Variants in CYFIP1 observed in about 807,000 individuals in gnomAD.
The protein encoded by CYFIP1 is cytoplasmic FMR1-interacting protein 1.
Under a neutral mutation model 163.5 loss-of-function variants are expected in CYFIP1, and 58 were observed. The ratio of observed to expected loss-of-function variants is 0.35; its 90% CI spans 0.29 to 0.44. The LOEUF (loss-of-function observed/expected upper bound fraction) is 0.44. Among genes scored for constraint, CYFIP1 ranks in the 20% least tolerant of loss-of-function variants. The pLI is 1.00. For synonymous variants in CYFIP1, 663 were observed against 660.7 expected, an observed-to-expected ratio of 1.00 and a Z score of -0.05; for missense variants, 1,338 against 1,653.8, an observed-to-expected ratio of 0.81 and a Z score of 3.31.
At chr15:22,915,838 G>C (rs1041821896) in intron 16 of CYFIP1, among the ~76,000 whole-genome samples, 1 of 152,158 alleles carries the variant, frequency 6.6e-6, no homozygotes, top group Non-Finnish European at 1.5e-5. Flanking sequence ...GGCACACTCA[G>C]GGAGGTCTGT....
At chr15:22,934,338 C>T (rs1309682560) in intron 9 of CYFIP1, among the ~76,000 whole-genome samples, 2 of 150,380 alleles carry the variant, frequency 1.3e-5, no homozygotes, top group African/African-American at 4.9e-5. Flanking sequence ...AGGCGCCCGC[C>T]ACCACACCCA....
At chr15:22,896,472 G>A (rs964981259) in intron 22 of CYFIP1, among the ~76,000 whole-genome samples, 2 of 151,766 alleles carry the variant, frequency 1.3e-5, no homozygotes, top group African/African-American at 4.8e-5. Flanking sequence ...TATTAGAATC[G>A]CTGATGTTTG....
upstream of CYFIP1, among the ~76,000 whole-genome samples, chr15:22,980,548 G>A (rs920809579): frequency 6.6e-6 from 1 of 151,906 alleles, no homozygotes; most frequent in African/African-American, 2.4e-5. Flanking sequence ...TGTCCTCCCA[G>A]GCAGAGAGCC....
rs760328099 is a variant in CYFIP1, at chr15:22,881,922, G to T, written c.2835C>A (p.Ile945=). Reference sequence around the variant, plus strand: ...CCATCAGCGTCTTCACGTACTGCAGGATTGTGCCTTGCAGCTGCCGGGGAG... The same window carrying T: ...CCATCAGCGTCTTCACGTACTGCAGTATTGTGCCTTGCAGCTGCCGGGGAG... ...KVVKSLLQGT[I]LQYVKTLMEV... Residue 945 remains isoleucine (I), a synonymous_variant, in exon 25 of 31, where the codon ATC becomes ATA. Coordinates refer to ENST00000617928, the MANE Select transcript of CYFIP1 (RefSeq NM_014608.6). The T allele has an allele frequency of 1.2e-5, 20 of 1,612,280 alleles. No homozygotes were observed. The Admixed American group carries it at 3.3e-4, about 27-fold the overall frequency.
At chr15:22,881,552 G>A (rs1383888218) in intron 25 of CYFIP1, among the ~76,000 whole-genome samples, 2 of 152,034 alleles carry the variant, frequency 1.3e-5, no homozygotes, top group South Asian at 2.1e-4. Flanking sequence ...AGGCCCAGCA[G>A]GGCAGCAGGA....
intron 1 of CYFIP1, among the ~76,000 whole-genome samples, chr15:22,957,561 A>C (rs7183148): frequency 9.2e-5 from 14 of 152,232 alleles, no homozygotes; most frequent in Non-Finnish European, 1.9e-4. Context: ...GCGTGAACCC[A>C]GGAGGCGGAG....
At chr15:22,893,453 G>A (rs548124278) in intron 22 of CYFIP1, among the ~76,000 whole-genome samples, 13 of 152,184 alleles carry the variant, frequency 8.5e-5, no homozygotes, top group Admixed American at 6.5e-5. Flanking sequence ...ACTTAAAATC[G>A]AATGTGTCCA....
In CYFIP1 at chr15:22,932,325, G is replaced by T. The variant is rs955033254; in HGVS notation, c.1008C>A (p.Ser336=). The change falls in exon 11 of 31, where the codon TCC becomes TCA. Residue 336 remains serine, a synonymous_variant. Transcript: ENST00000617928. ...EENKSRWTCT[S]SGSSPQYNIC... ...TGTTGTACTGAGGGCTGCTGCCGGA[G>T]GATGTGCACGTCCATCTGTGCAGAG... is the stretch of plus-strand genomic sequence containing the variant. The T allele has an allele frequency of 5.6e-6, 9 of 1,607,148 alleles. 1 individual carries two copies. The highest frequency in any genetic ancestry group is 2.2e-5 in the East Asian group (1 of 44,478).
intron 1 of CYFIP1, among the ~76,000 whole-genome samples, chr15:22,956,235 C>A (rs1359030085): frequency 2.0e-5 from 3 of 152,016 alleles, no homozygotes; most frequent in Non-Finnish European, 4.4e-5. Context: ...TGATTTGGTC[C>A]TTTTCCCTGT....
At chr15:22,896,518 CATT>C (rs1279859929) in intron 22 of CYFIP1, among the ~76,000 whole-genome samples, 2 of 151,956 alleles carry the variant, frequency 1.3e-5, no homozygotes, top group Non-Finnish European at 2.9e-5. Flanking sequence ...TTTTTTTCAT[CATT>C]TTTTTCTTTT....
chr15:22,924,082 T>C (rs1485547683), intron 13 of CYFIP1, among the ~76,000 whole-genome samples: 1 of 152,102 alleles, frequency 6.6e-6, no homozygotes, highest in Non-Finnish European at 1.5e-5. Context: ...TGCAATATTA[T>C]TCAGCAATAA....
chr15:22,910,770 T>C lies in CYFIP1; in HGVS notation c.2126A>G (p.Gln709Arg). The C allele has an allele frequency of 6.2e-7, 1 of 1,614,036 alleles. No individual in the cohort carries two copies. The highest frequency in any genetic ancestry group is 8.5e-7 in the Non-Finnish European group (1 of 1,179,900). Residue 709 changes from glutamine (Q) to arginine (R), a missense_variant, in exon 19 of 31, where the codon CAG becomes CGG. By Grantham distance (43) the Gln-to-Arg change is conservative. Around this residue, in one of 4 missense-constraint regions of CYFIP1, gnomAD observed 824 missense variants for 995.7 expected, o/e 0.83. Coordinates refer to ENST00000617928, the MANE Select transcript of CYFIP1 (RefSeq NM_014608.6). ...CATAACCTTATAATAGGCAAATATC[T>C]GGTCTGCTAGCTTGTAAACAAATTG... ...FDQFVYKLAD[Q>R]IFAYYKVMAG...
intron 4 of CYFIP1, 99 bp downstream of exon 4, chr15:22,944,763 T>C: frequency 1.3e-6 from 2 of 1,523,636 alleles, no homozygotes; most frequent in Non-Finnish European, 1.8e-6. Context: ...GGGTGAGAAC[T>C]GGGAGGAGAG....
At chr15:22,921,644 C>T (rs2061181634) in intron 13 of CYFIP1, among the ~76,000 whole-genome samples, 1 of 151,246 alleles carries the variant, frequency 6.6e-6, no homozygotes, top group African/African-American at 2.4e-5. Flanking sequence ...TGGTGAAACC[C>T]TGTATCTACT....
chr15:22,921,764 CA>C (rs35027433), intron 13 of CYFIP1, among the ~76,000 whole-genome samples: 234 of 58,166 alleles, frequency 4.0e-3, no homozygotes, highest in East Asian at 7.5e-3. Context: ...GACTCTGTCT[CA>C]AAAAAAAAAA....
intron 18 of CYFIP1, 33 bp from the exon 19 acceptor site, chr15:22,910,846 A>C: frequency 6.4e-7 from 1 of 1,568,470 alleles, no homozygotes; most frequent in Non-Finnish European, 8.8e-7. Context: ...TTACAGTTTG[A>C]TTCCCTAAAG....
At chr15:22,963,336 C>T (rs2062753591) in intron 1 of CYFIP1, among the ~76,000 whole-genome samples, 2 of 151,932 alleles carry the variant, frequency 1.3e-5, no homozygotes, top group African/African-American at 2.4e-5. Context: ...ACTAAAAATA[C>T]AGAATTAGAT....
At position 22,947,160 on chromosome 15, in the gene CYFIP1, G is replaced by A; in HGVS notation, c.117+9C>T. 1 of 1,614,050 alleles carries A rather than the reference G, an allele frequency of 6.2e-7. No homozygotes were observed. ...CAGGCTGTACGCCCTGCAGCTGCTG[G>A]GCACCCACCTGGTAGAGCAGCGAGG... On this transcript the variant is annotated intron_variant, in intron 2 of 30. Transcript: ENST00000617928.
In CYFIP1 at chr15:22,914,784, AC is replaced by A; in HGVS notation, c.1926del (p.Met642IlefsTer7). On this transcript the variant is annotated frameshift_variant, in exon 17 of 31. Coordinates refer to ENST00000617928, the MANE Select transcript of CYFIP1 (RefSeq NM_014608.6). LOFTEE classifies it high-confidence loss of function. ...MGRRIQFPIE[M>X]SMPWILTDHI... ...TGGTCCGTCAGGATCCAGGGCATCG[AC>A]ATCTCAATGGGGAACTGGATCCTCC... is the stretch of plus-strand genomic sequence containing the variant. 1 of 1,613,726 alleles carries A rather than the reference AC, an allele frequency of 6.2e-7. No individual in the cohort carries two copies. The highest frequency in any genetic ancestry group is 8.5e-7 in the Non-Finnish European group (1 of 1,179,856).
Sources: gnomAD v4.1 joint callset for allele counts (sites outside exome capture counted in the v4.1 genomes callset) on GRCh38, gnomAD v4.1.1 for gene constraint, gnomAD v4.1.1 regional missense constraint, MANE v1.5 for transcripts, NCBI Gene and HGNC (gene_info 2026-07-23, HGNC 2026-07-21) for gene names.